Variants in MYT1L observed in about 807,000 individuals in gnomAD.
MYT1L encodes myelin transcription factor 1-like protein.
MYT1L carries 12 observed loss-of-function variants against 126.7 expected under a neutral mutation model. The observed-to-expected ratio is 0.09, with a 90% confidence interval of 0.06 to 0.15. The LOEUF (loss-of-function observed/expected upper bound fraction) is 0.15. MYT1L is among the 10% of genes least tolerant of loss of function. The pLI, the probability that MYT1L is intolerant of heterozygous loss-of-function variation, is 1.00. For synonymous variants in MYT1L, 541 were observed against 604.2 expected, an observed-to-expected ratio of 0.90 and a Z score of 1.53; for missense variants, 979 against 1,585.2, an observed-to-expected ratio of 0.62 and a Z score of 6.49.
intron 8 of MYT1L, among the ~76,000 whole-genome samples, chr2:1,961,100 T>C (rs558959551): frequency 6.6e-6 from 1 of 152,368 alleles, no homozygotes; most frequent in East Asian, 1.9e-4. Flanking sequence ...TATCATCTTC[T>C]ACCTGACCAC....
chr2:2,259,242 G>T (rs1314295788), intron 2 of MYT1L, among the ~76,000 whole-genome samples: 2 of 103,872 alleles, frequency 1.9e-5, no homozygotes, highest in Non-Finnish European at 3.8e-5. Flanking sequence ...TGGGGACTGT[G>T]GTGGGGTCGG....
rs1276083828 is a variant in MYT1L at position 2,246,353 on chromosome 2, A to ACTTTTTCC, written c.-421+38043_-421+38050dup. 5.3e-4 allele frequency among the ~76,000 whole-genome samples: 81 copies of ACTTTTTCC among 152,276 alleles called. 1 individual carries two copies. Among genetic ancestry groups the ACTTTTTCC allele is most frequent in the African/African-American group, 1.9e-3 (80 of 41,558 alleles). ...CTCATCTTGCATATTTATGCTTCAG[A>ACTTTTTCC]CTTTTTCCTGCTACCTTTTTAATAG... On this transcript the variant is annotated intron_variant, in intron 2 of 24. Coordinates refer to ENST00000647738, the MANE Select transcript of MYT1L (RefSeq NM_001303052.2).
chr2:1,990,711 T>A (rs1460773636), intron 5 of MYT1L, among the ~76,000 whole-genome samples: 1 of 151,348 alleles, frequency 6.6e-6, no homozygotes, highest in Non-Finnish European at 1.5e-5. Flanking sequence ...TTGGAGAGAG[T>A]TCTGGGGAAA....
At chr2:2,202,252 G>A (rs1248079703) in intron 2 of MYT1L, among the ~76,000 whole-genome samples, 1 of 151,918 alleles carries the variant, frequency 6.6e-6, no homozygotes, top group Non-Finnish European at 1.5e-5. Context: ...GCTAGCAGAA[G>A]GCAAGAAATA....
At position 2,262,931 on chromosome 2, in the gene MYT1L, T is replaced by TATATATATATATATATATATAA. The variant is rs970472033; in HGVS notation, c.-421+21472_-421+21473insTTATATATATATATATATATAT. On this transcript the variant is annotated intron_variant, in intron 2 of 24. Transcript: ENST00000647738. ...AGAGGCACAAATATATATATATATA[T>TATATATATATATATATATATAA]AACCTGTGATATATATATATATATC... Among the ~76,000 whole-genome samples, 5 of 43,656 alleles carry TATATATATATATATATATATAA rather than the reference T, an allele frequency of 1.1e-4. 1 individual carries two copies. The highest frequency in any genetic ancestry group is 5.1e-4 in the African/African-American group (5 of 9,818). 28.6% of individuals were successfully genotyped at this position (43,656 alleles called of 152,430 possible).
chr2:2,078,719 C>A (rs1484425898), intron 3 of MYT1L, among the ~76,000 whole-genome samples: 1 of 152,078 alleles, frequency 6.6e-6, no homozygotes, highest in East Asian at 1.9e-4. Flanking sequence ...AGGGGATAGA[C>A]AATAAAAATA....
chr2:2,218,746 A>G lies in MYT1L; in HGVS notation c.-420-45758T>C, dbSNP rs115530105. 2.1e-3 allele frequency among the ~76,000 whole-genome samples: 318 copies of G among 152,338 alleles called. 1 individual carries two copies. The highest frequency in any genetic ancestry group is 7.4e-3 in the African/African-American group (308 of 41,568). On this transcript the variant is annotated intron_variant, in intron 2 of 24. Coordinates refer to ENST00000647738, the MANE Select transcript of MYT1L (RefSeq NM_001303052.2). The stretch of plus-strand genomic sequence containing the variant: ...TAGAGCTGTTAAAACAGCATAAATG[A>G]GAGGGTTTGGTGAAGCAGAGGAAAC...
intron 3 of MYT1L, among the ~76,000 whole-genome samples, chr2:2,162,624 C>T (rs757683454): frequency 1.9e-4 from 29 of 152,298 alleles, no homozygotes; most frequent in African/African-American, 6.3e-4. Flanking sequence ...GCGTGCTGCA[C>T]GGTTTTCATG....
At chr2:2,241,573 A>C (rs927419057) in intron 2 of MYT1L, among the ~76,000 whole-genome samples, 1 of 151,892 alleles carries the variant, frequency 6.6e-6, no homozygotes, top group Non-Finnish European at 1.5e-5. Flanking sequence ...TAAGACTCAT[A>C]AGGTAGCAGA....
chr2:2,148,041 G>C (rs1210800947), intron 3 of MYT1L, among the ~76,000 whole-genome samples: 1 of 152,210 alleles, frequency 6.6e-6, no homozygotes. Flanking sequence ...CGCCTGAGGA[G>C]AGCCTGCACC....
At chr2:1,814,041 A>G (rs1271686974) in intron 21 of MYT1L, among the ~76,000 whole-genome samples, 22 of 149,262 alleles carry the variant, frequency 1.5e-4, no homozygotes, top group Admixed American at 1.3e-3. Context: ...AAAAAAAAAA[A>G]AAGAAAGAAA....
At position 2,061,734 on chromosome 2, in the gene MYT1L, C is replaced by A. The variant is rs73911315; in HGVS notation, c.-303-7611G>T. Among the ~76,000 whole-genome samples the A allele has an allele frequency of 8.7e-3, 1,327 of 152,248 alleles. 17 individuals carry two copies. The highest frequency in any genetic ancestry group is 0.027 in the African/African-American group (1,112 of 41,542). On this transcript the variant is annotated intron_variant, in intron 3 of 24. Transcript: ENST00000647738. ...GACCCTGAGAGATTCTGCAGCCCAG[C>A]TCCAGATTGCTTGTGGTCTGACAGG...
chr2:1,889,276 G>T lies in MYT1L; in HGVS notation c.2485C>A (p.Arg829=). The T allele has an allele frequency of 6.2e-7, 1 of 1,613,902 alleles. No homozygotes were observed. Residue 829 remains arginine (R), a synonymous_variant, in exon 16 of 25, where the codon CGG becomes AGG. Transcript: ENST00000647738. This position sits in a 1 kb window ranked among gnomAD's most constrained non-coding sequence, Gnocchi z 4.1. ...TTGGACTCGTCCTCGTCTATCCTCC[G>T]GGGTTTCATTTTGGTGTAGTCTACG... ...LPVDYTKMKP[R]RIDEDESKDI...
In MYT1L at chr2:1,892,239, C is replaced by CTGATGG. The variant is rs2048980384; in HGVS notation, c.2080_2081insCCATCA (p.Ser693_Ser694insThrIle). The CTGATGG allele has an allele frequency of 6.5e-7, 1 of 1,549,878 alleles. No individual in the cohort carries two copies. Among genetic ancestry groups the CTGATGG allele is most frequent in the Non-Finnish European group, 8.7e-7 (1 of 1,146,532 alleles). Reference sequence around the variant, plus strand: ...GTTGCTGCTGCTGCTGGGCGCGTAGCTGCTGGTGCTGCTGCTGCTGGGGCT... The same window carrying CTGATGG: ...GTTGCTGCTGCTGCTGGGCGCGTAGCTGATGGTGCTGGTGCTGCTGCTGCTGGGGCT... On this transcript the variant is annotated inframe_insertion, in exon 15 of 25. Transcript: ENST00000647738.
intron 3 of MYT1L, among the ~76,000 whole-genome samples, chr2:2,112,432 A>T (rs2079580374): frequency 6.6e-6 from 1 of 152,216 alleles, no homozygotes; most frequent in Admixed American, 6.5e-5. Flanking sequence ...TTTGCCTAAA[A>T]CTATAAATTC....
At chr2:2,074,476 T>C (rs2074992519) in intron 3 of MYT1L, among the ~76,000 whole-genome samples, 1 of 152,190 alleles carries the variant, frequency 6.6e-6, no homozygotes, top group South Asian at 2.1e-4. Flanking sequence ...AAATTGTAGA[T>C]AATTCCAGAG....
At position 2,214,686 on chromosome 2, in the gene MYT1L, T is replaced by C. The variant is rs1572526679; in HGVS notation, c.-420-41698A>G. Among the ~76,000 whole-genome samples, 3 of 152,266 alleles carry C rather than the reference T, an allele frequency of 2.0e-5. No homozygotes were observed. In the East Asian group the frequency reaches 5.8e-4, roughly 29 times the overall value. On this transcript the variant is annotated intron_variant, in intron 2 of 24. Coordinates refer to ENST00000647738, the MANE Select transcript of MYT1L (RefSeq NM_001303052.2). ...GATATAGAGAAGCTGAAAGAATATG[T>C]GTCACCAGCAGACTGGGCCTTACAG...
chr2:2,316,889 C>T (rs2096073728), intron 1 of MYT1L, among the ~76,000 whole-genome samples: 1 of 151,948 alleles, frequency 6.6e-6, no homozygotes, highest in Non-Finnish European at 1.5e-5. Context: ...CGGCTTACTA[C>T]AATCTCCGCC....
At chr2:2,049,313 T>C (rs2068546537) in intron 4 of MYT1L, among the ~76,000 whole-genome samples, 1 of 152,206 alleles carries the variant, frequency 6.6e-6, no homozygotes, top group African/African-American at 2.4e-5. Flanking sequence ...ACATTATCTA[T>C]GCACACAAGT....
Sources: allele counts gnomAD v4.1 joint callset (sites outside exome capture counted in the v4.1 genomes callset), GRCh38; gene constraint gnomAD v4.1.1; non-coding constraint Gnocchi (gnomAD v3.1); transcripts MANE v1.5; gene names NCBI Gene and HGNC (gene_info 2026-07-23, HGNC 2026-07-21).